The following RIN2 variants were observed in gnomAD, a reference collection of about 807,000 sequenced individuals.
RIN2 encodes the protein Ras and Rab interactor 2.
Under a neutral mutation model 78.0 loss-of-function variants are expected in RIN2, and 36 were observed. The ratio of observed to expected loss-of-function variants is 0.46; its 90% CI spans 0.35 to 0.61. RIN2 has a LOEUF of 0.61. RIN2 is among the 20% of genes least tolerant of loss of function. The probability of loss-of-function intolerance (pLI) is 0.00; values close to 1 mark genes in which losing one functional copy is unlikely to be tolerated. For missense variants in RIN2, 1,087 were observed against 1,159.7 expected (o/e 0.94, Z 0.91); for synonymous variants, 466 against 466.8 (o/e 1.00, Z 0.02).
intron 1 of RIN2, among the ~76,000 whole-genome samples, chr20:19,779,625 T>C (rs769240781): frequency 6.6e-6 from 1 of 152,204 alleles, no homozygotes; most frequent in Non-Finnish European, 1.5e-5. Context: ...TGTCAAATTG[T>C]AGCCAAGCAG....
chr20:19,796,042 GAAGAGAAGAGAAAGA>G (rs894937384), intron 1 of RIN2, among the ~76,000 whole-genome samples: 27 of 150,178 alleles, frequency 1.8e-4, no homozygotes, highest in Admixed American at 1.6e-3. Flanking sequence ...AAAAAAGAAA[GAAGAGAAGAGAAAGA>G]AAGAGAAGAG....
At chr20:19,991,638 A>G (rs2042800876) in intron 10 of RIN2, among the ~76,000 whole-genome samples, 1 of 152,256 alleles carries the variant, frequency 6.6e-6, no homozygotes, top group South Asian at 2.1e-4. Flanking sequence ...ATATATTTCC[A>G]TTAATCAATG....
At chr20:19,921,361 C>T (rs918957652) in intron 3 of RIN2, among the ~76,000 whole-genome samples, 5 of 152,144 alleles carry the variant, frequency 3.3e-5, no homozygotes, top group African/African-American at 1.2e-4. Context: ...AGCAACTTTC[C>T]CATCCCATCC....
At position 19,764,918 on chromosome 20, in the gene RIN2, G is replaced by GTTTTTTTTTTTTTT. The variant is rs10605325; in HGVS notation, c.-163+6603_-163+6616dup. Among the ~76,000 whole-genome samples the GTTTTTTTTTTTTTT allele has an allele frequency of 9.9e-3, 501 of 50,384 alleles. 126 individuals carry two copies. Among genetic ancestry groups the GTTTTTTTTTTTTTT allele is most frequent in the Non-Finnish European group, 0.014 (392 of 27,468 alleles). The allele number at this position is 50,384 out of a possible 152,430, so 33.1% of individuals were successfully genotyped here. A position where few individuals can be genotyped will look rare whatever the true frequency, so the allele number is the denominator to read the frequency against. On this transcript the variant is annotated intron_variant, in intron 1 of 12. Transcript: ENST00000255006. ...GGGCAAGTCCCACTTCACTTTCTGCGTTTTTTTTTTTTTTTTTTTTTTTTT... is the reference window on the plus strand; with the variant it reads ...GGGCAAGTCCCACTTCACTTTCTGCGTTTTTTTTTTTTTTTTTTTTTTTTTTTTTTTTTTTTTTT...
chr20:19,944,002 T>TTA (rs1491240507), intron 4 of RIN2, among the ~76,000 whole-genome samples: 6 of 134,258 alleles, frequency 4.5e-5, no homozygotes, highest in African/African-American at 1.2e-4. Context: ...TTTTTTTTTT[T>TTA]ACCTATAACT....
At chr20:19,986,140 C>T (rs2042616187) in intron 9 of RIN2, among the ~76,000 whole-genome samples, 1 of 152,172 alleles carries the variant, frequency 6.6e-6, no homozygotes, top group Admixed American at 6.5e-5. Flanking sequence ...TTTGTTCTTT[C>T]CTCTTTTGTC....
intron 12 of RIN2, among the ~76,000 whole-genome samples, chr20:19,999,982 G>T (rs1601104423): frequency 6.6e-6 from 1 of 152,180 alleles, no homozygotes; most frequent in Non-Finnish European, 1.5e-5. Context: ...TTGTGTGTGT[G>T]TGATTCAACC....
intron 8 of RIN2, 50 bp from the exon 9 acceptor site, chr20:19,974,604 T>G (rs1396505566): frequency 6.4e-7 from 1 of 1,554,054 alleles, no homozygotes; most frequent in Non-Finnish European, 8.8e-7. Flanking sequence ...GAAGGAATGG[T>G]CTGAGTGTAC....
At chr20:19,892,821 T>C (rs1386343434) in intron 3 of RIN2, among the ~76,000 whole-genome samples, 1 of 152,218 alleles carries the variant, frequency 6.6e-6, no homozygotes, top group Non-Finnish European at 1.5e-5. Flanking sequence ...GGTTCATTTG[T>C]AACAAGCTGG....
intron 4 of RIN2, among the ~76,000 whole-genome samples, chr20:19,952,533 T>A (rs2041361227): frequency 6.6e-6 from 1 of 152,248 alleles, no homozygotes; most frequent in South Asian, 2.1e-4. Flanking sequence ...TTATGGTTGC[T>A]GTTTTATAAG....
intron 2 of RIN2, among the ~76,000 whole-genome samples, chr20:19,830,340 T>G (rs1460551226): frequency 6.6e-6 from 1 of 152,200 alleles, no homozygotes; most frequent in African/African-American, 2.4e-5. Flanking sequence ...TTCTTTTACT[T>G]ACATGGCATG....
intron 3 of RIN2, among the ~76,000 whole-genome samples, chr20:19,911,803 A>T (rs1206909054): frequency 6.6e-6 from 1 of 152,220 alleles, no homozygotes; most frequent in Non-Finnish European, 1.5e-5. Flanking sequence ...AGCTTAGTGA[A>T]TTTCCACAAA....
At chr20:19,936,788 T>A (rs6081819) in intron 4 of RIN2, among the ~76,000 whole-genome samples, 93,724 of 152,210 alleles carry the variant, frequency 0.62, 33,253 homozygotes, top group Non-Finnish European at 0.81. Context: ...CAACAGCCTT[T>A]TTTCCCAGAT....
At chr20:19,936,706 G>C (rs199540) in intron 4 of RIN2, among the ~76,000 whole-genome samples, 1 of 152,178 alleles carries the variant, frequency 6.6e-6, no homozygotes, top group South Asian at 2.1e-4. Context: ...TGAGAGCTGG[G>C]TGGTTGCTTA....
At chr20:19,959,073 A>G (rs1323699819) in intron 5 of RIN2, among the ~76,000 whole-genome samples, 1 of 152,182 alleles carries the variant, frequency 6.6e-6, no homozygotes, top group Non-Finnish European at 1.5e-5. Context: ...TTGGCTTTGC[A>G]GGCCATAGAG....
intron 2 of RIN2, among the ~76,000 whole-genome samples, chr20:19,831,587 T>C (rs148351458): frequency 1.9e-3 from 297 of 152,332 alleles, no homozygotes; most frequent in African/African-American, 6.7e-3. Flanking sequence ...TAGACCGAGA[T>C]TGTTTTATGA....
intron 2 of RIN2, among the ~76,000 whole-genome samples, chr20:19,854,836 T>A (rs1156485179): frequency 1.3e-5 from 2 of 152,186 alleles, no homozygotes; most frequent in Admixed American, 6.5e-5. Flanking sequence ...ACAGGGACAA[T>A]TTGACTTCCT....
intron 2 of RIN2, among the ~76,000 whole-genome samples, chr20:19,825,415 T>A (rs1850394394): frequency 6.6e-6 from 1 of 152,196 alleles, no homozygotes; most frequent in South Asian, 2.1e-4. Context: ...GCCAGGCAGA[T>A]GGAGCCTCGC....
chr20:19,990,927 C>G (rs754930188), intron 10 of RIN2, among the ~76,000 whole-genome samples: 1 of 152,136 alleles, frequency 6.6e-6, no homozygotes, highest in Non-Finnish European at 1.5e-5. Context: ...TGAAATTCAC[C>G]GAAGAGTTAC....
Sources: allele counts gnomAD v4.1 joint callset (sites outside exome capture counted in the v4.1 genomes callset), GRCh38; gene constraint gnomAD v4.1.1; transcripts MANE v1.5; gene names NCBI Gene and HGNC (gene_info 2026-07-23, HGNC 2026-07-21).